The following ANKRD27 variants were observed in gnomAD, a reference collection of about 807,000 sequenced individuals.
The protein encoded by ANKRD27 is ankyrin repeat domain-containing protein 27.
ANKRD27 carries 112 observed loss-of-function variants against 129.7 expected under a neutral mutation model. The observed-to-expected ratio is 0.86, with a 90% CI of 0.74 to 1.01. The LOEUF is 1.01. ANKRD27 is among the 50% of genes least tolerant of loss of function. ANKRD27 has a pLI of 0.00. For missense variants in ANKRD27, 1,258 were observed against 1,300.5 expected (o/e 0.97, Z 0.50); for synonymous variants, 516 against 511.2 (o/e 1.01, Z -0.13).
chr19:32,673,205 G>A, intron 1 of ANKRD27: 1 of 833,156 alleles, frequency 1.2e-6, no homozygotes, highest in Non-Finnish European at 1.4e-6. Context: ...ATTATTTCAG[G>A]TCACCAGGCA....
intron 21 of ANKRD27, 50 bp downstream of exon 21, chr19:32,617,539 C>T (rs1045747608): frequency 1.1e-5 from 8 of 724,380 alleles, no homozygotes; most frequent in Non-Finnish European, 2.0e-5. Flanking sequence ...AGAACAAGAC[C>T]CTGTCTCTAA....
Position 32,598,381 on chromosome 19 carries a change from A to G in ANKRD27, c.2920-3T>C. The stretch of plus-strand genomic sequence containing the variant: ...AGTGTGACACTTTGCCTCCCTGGCT[A>G]AAGAAAAAGTACATTTTTAACCGTT... On this transcript the variant is annotated splice_region_variant and splice_polypyrimidine_tract_variant and intron_variant, in intron 28 of 28. Coordinates refer to ENST00000306065, the MANE Select transcript of ANKRD27 (RefSeq NM_032139.3). The G allele has an allele frequency of 6.2e-7, 1 of 1,614,044 alleles. No individual in the cohort carries two copies. Among genetic ancestry groups the G allele is most frequent in the African/African-American group, 1.3e-5 (1 of 75,040 alleles).
At chr19:32,628,655 TGGA>T in intron 14 of ANKRD27, 64 bp downstream of exon 14, 3 of 1,596,578 alleles carry the variant, frequency 1.9e-6, no homozygotes, top group Non-Finnish European at 1.7e-6. Flanking sequence ...CAGCGCACAG[TGGA>T]GAAGGTCCAG....
At chr19:32,659,545 T>C (rs73928840) in intron 1 of ANKRD27, among the ~76,000 whole-genome samples, 147 of 152,260 alleles carry the variant, frequency 9.7e-4, no homozygotes, top group African/African-American at 3.5e-3. Flanking sequence ...TCAGAAAATC[T>C]TGTTAAACTC....
chr19:32,644,353 C>T lies in ANKRD27; in HGVS notation c.497G>A (p.Cys166Tyr). The T allele has an allele frequency of 1.2e-6, 2 of 1,613,612 alleles. No individual in the cohort carries two copies. Among genetic ancestry groups the T allele is most frequent in the East Asian group, 2.2e-5 (1 of 44,878 alleles). The change falls in exon 5 of 29, where the codon TGC becomes TAC. Residue 166 changes from cysteine to tyrosine, a missense_variant. By Grantham distance (194) the Cys-to-Tyr change is radical (BLOSUM62 -2). Coordinates refer to ENST00000306065, the MANE Select transcript of ANKRD27 (RefSeq NM_032139.3). ...GTGGTGACGGAGGCTCTTTCTCTCG[C>T]ATTCTCGGAATGTTCGATGGAAAGA... ...IASFHRTFRECERKSLRHHID... is the reference protein window; with the variant it reads ...IASFHRTFREYERKSLRHHID...
intron 3 of ANKRD27, among the ~76,000 whole-genome samples, chr19:32,648,739 G>A (rs1292074254): frequency 2.0e-5 from 3 of 151,028 alleles, no homozygotes; most frequent in African/African-American, 7.3e-5. Context: ...GGCGGAGCTC[G>A]CAGTGAGCTG....
chr19:32,657,643 C>T (rs980327778), intron 2 of ANKRD27, among the ~76,000 whole-genome samples: 1 of 150,904 alleles, frequency 6.6e-6, no homozygotes, highest in African/African-American at 2.4e-5. Context: ...AAAAGAAACC[C>T]AGTTTCTGAT....
Position 32,644,468 on chromosome 19 carries a change from C to T in ANKRD27, c.382G>A (p.Ala128Thr). The stretch of plus-strand genomic sequence containing the variant: ...TTCAGGGAAAAGGGATCTGAGGGTG[C>T]CAAAGGCTCTTCTGAAAAAGAAACA... ...EKRESSEEPL[A>T]PSDPFSLKTI... The change falls in exon 5 of 29, where the codon GCA becomes ACA. Residue 128 changes from alanine (A) to threonine (T), a missense_variant. Coordinates refer to ENST00000306065, the MANE Select transcript of ANKRD27 (RefSeq NM_032139.3). 2 of 1,613,460 alleles carry T rather than the reference C, an allele frequency of 1.2e-6. No individual in the cohort carries two copies. The highest frequency in any genetic ancestry group is 1.7e-6 in the Non-Finnish European group (2 of 1,179,582).
chr19:32,669,056 C>T (rs1014589590), intron 1 of ANKRD27, among the ~76,000 whole-genome samples: 1 of 152,168 alleles, frequency 6.6e-6, no homozygotes, highest in Non-Finnish European at 1.5e-5. Context: ...AAGTAATCCT[C>T]CCGCCTCAGC....
At chr19:32,637,949 TA>T (rs1303226857) in intron 12 of ANKRD27, 1 of 151,834 alleles carries the variant, frequency 6.6e-6, no homozygotes, top group Non-Finnish European at 1.5e-5. Flanking sequence ...CATGGGAGAG[TA>T]GTCAAGGTAG....
chr19:32,608,301 G>T (rs961421959), intron 22 of ANKRD27: 2 of 253,874 alleles, frequency 7.9e-6, no homozygotes, highest in African/African-American at 4.8e-5. Context: ...GTATGCCACT[G>T]TACCTGGCTA....
At chr19:32,620,177 A>G (rs1025724683) in intron 18 of ANKRD27, among the ~76,000 whole-genome samples, 1 of 152,004 alleles carries the variant, frequency 6.6e-6, no homozygotes, top group African/African-American at 2.4e-5. Flanking sequence ...GAAGCCAGAA[A>G]CAGGGATCTA....
At chr19:32,659,521 C>T (rs1363937646) in intron 1 of ANKRD27, among the ~76,000 whole-genome samples, 1 of 152,156 alleles carries the variant, frequency 6.6e-6, no homozygotes, top group Non-Finnish European at 1.5e-5. Flanking sequence ...TATTGGCTAA[C>T]GTGTAAATTA....
intron 1 of ANKRD27, among the ~76,000 whole-genome samples, chr19:32,671,074 T>C (rs1967860887): frequency 1.3e-5 from 2 of 151,746 alleles, no homozygotes; most frequent in South Asian, 4.2e-4. Flanking sequence ...GGCTGACAGA[T>C]GATTGAGCCC....
rs78755414 is a variant in ANKRD27, at chr19:32,643,365, C to T, written c.640-13G>A. ...GATGGACGTATATCTGTGGAATCAA[C>T]AGACCCCATTCAGGGTGTGAGCGGG... On this transcript the variant is annotated splice_polypyrimidine_tract_variant and intron_variant, in intron 7 of 28. Coordinates refer to ENST00000306065, the MANE Select transcript of ANKRD27 (RefSeq NM_032139.3). The T allele has an allele frequency of 1.9e-6, 3 of 1,613,934 alleles. No individual in the cohort carries two copies. The highest frequency in any genetic ancestry group is 3.3e-5 in the Admixed American group (2 of 59,986).
Position 32,675,092 on chromosome 19 carries a change from T to G in ANKRD27, c.-52A>C, listed in dbSNP as rs1967960214. The G allele has an allele frequency of 6.6e-6, 1 of 152,216 alleles. No individual in the cohort carries two copies. Among genetic ancestry groups the G allele is most frequent in the Non-Finnish European group, 1.5e-5 (1 of 68,096 alleles). The allele number at this position is 152,216 out of a possible 1,614,324, so 9.4% of individuals were successfully genotyped here. A position where few individuals can be genotyped will look rare whatever the true frequency, so the allele number is the denominator to read the frequency against. ...TTACTTAAAAGGCTACATCGCTTCA[T>G]TCCCAGCCCATCCTGGGCGACGGCG... On this transcript the variant is annotated 5_prime_UTR_variant, in exon 1 of 29. An upstream start codon of the reference 5' UTR is lost. Coordinates refer to ENST00000306065, the MANE Select transcript of ANKRD27 (RefSeq NM_032139.3).
Position 32,598,045 on chromosome 19 carries a change from T to C in ANKRD27, c.*100A>G. On this transcript the variant is annotated 3_prime_UTR_variant, in exon 29 of 29. Coordinates refer to ENST00000306065, the MANE Select transcript of ANKRD27 (RefSeq NM_032139.3). Reference sequence around the variant, plus strand: ...TGGTGCTGAAGACTTCTCAAGCCAGTCTCATGGAAGCACATTTAGTTCTCA... The same window carrying C: ...TGGTGCTGAAGACTTCTCAAGCCAGCCTCATGGAAGCACATTTAGTTCTCA... The C allele has an allele frequency of 8.8e-7, 1 of 1,136,554 alleles. No individual in the cohort carries two copies. The highest frequency in any genetic ancestry group is 1.4e-5 in the South Asian group (1 of 72,316). The allele number at this position is 1,136,554 out of a possible 1,614,324, so 70.4% of individuals were successfully genotyped here.
chr19:32,600,050 C>A lies in ANKRD27; in HGVS notation c.2768G>T (p.Trp923Leu). The A allele has an allele frequency of 6.2e-7, 1 of 1,605,908 alleles. No individual in the cohort carries two copies. Among genetic ancestry groups the A allele is most frequent in the Non-Finnish European group, 8.5e-7 (1 of 1,173,962 alleles). ...TGGTAGATCATACAGTTTTGAGTTC[C>A]CTGTAGATAAAAAGATAAACATCTA... ...EYVTVKIRKK[W>L]NSKLYDLPDE... The change falls in exon 27 of 29, where the codon TGG (tryptophan) becomes TTG (leucine). Residue 923 changes from tryptophan to leucine, a missense_variant and splice_region_variant. Coordinates refer to ENST00000306065, the MANE Select transcript of ANKRD27 (RefSeq NM_032139.3).
Position 32,607,767 on chromosome 19 carries a change from C to A in ANKRD27, c.2241G>T (p.Pro747=). 6.2e-7 allele frequency: 1 copy of A among 1,612,526 alleles called. No individual in the cohort carries two copies. Residue 747 remains proline (P), a synonymous_variant, in exon 23 of 29, where the codon CCG becomes CCT. Transcript: ENST00000306065. ...GGCCGTGCAGGGCGGCGACATGCAG[C>A]GGGGAGGAGCCGTCCTGGCTGGTCA... is the stretch of plus-strand genomic sequence containing the variant. ...VNVTSQDGSS[P]LHVAALHGRA... is the part of the protein sequence containing the mutation.
Sources: gnomAD v4.1 joint callset for allele counts (sites outside exome capture counted in the v4.1 genomes callset) on GRCh38, gnomAD v4.1.1 for gene constraint, MANE v1.5 for transcripts, NCBI Gene and HGNC (gene_info 2026-07-23, HGNC 2026-07-21) for gene names.